FSTL5: variants seen among roughly 807,000 people sequenced by gnomAD.
FSTL5 encodes the protein follistatin like 5.
Under a neutral mutation model 89.1 loss-of-function variants are expected in FSTL5, and 62 were observed. That is an observed-to-expected ratio of 0.70 (90% confidence interval 0.57 to 0.86). FSTL5 has a LOEUF of 0.86. Ranked by LOEUF, FSTL5 falls within the 40% of genes least tolerant of loss-of-function variation. The probability of loss-of-function intolerance (pLI) is 0.00; values close to 1 mark genes in which losing one functional copy is unlikely to be tolerated. For synonymous variants in FSTL5, 383 were observed against 346.2 expected, an observed-to-expected ratio of 1.11 and a Z score of -1.18; for missense variants, 1,057 against 1,001.6, an observed-to-expected ratio of 1.06 and a Z score of -0.75.
intron 8 of FSTL5, among the ~76,000 whole-genome samples, chr4:161,577,126 G>A (rs1349258140): frequency 1.3e-5 from 2 of 152,034 alleles, no homozygotes; most frequent in Non-Finnish European, 2.9e-5. Context: ...TATTTGCCAT[G>A]TTTTTTTGGC....
chr4:161,900,534 G>T (rs981016031), intron 4 of FSTL5, among the ~76,000 whole-genome samples: 1 of 151,012 alleles, frequency 6.6e-6, no homozygotes, highest in African/African-American at 2.4e-5. Context: ...AGCTACTCAG[G>T]AGACTGAGGC....
intron 4 of FSTL5, among the ~76,000 whole-genome samples, chr4:161,855,980 C>T (rs1417260468): frequency 1.3e-5 from 2 of 152,000 alleles, no homozygotes; most frequent in African/African-American, 2.4e-5. Context: ...TAAAACTTTG[C>T]CCTTTAGTTG....
At chr4:161,592,650 C>T (rs528364945) in intron 7 of FSTL5, among the ~76,000 whole-genome samples, 1 of 152,304 alleles carries the variant, frequency 6.6e-6, no homozygotes, top group South Asian at 2.1e-4. Context: ...ATATGTGCCA[C>T]ATTTTCTTTA....
At chr4:161,931,796 T>C (rs1192556210) in intron 3 of FSTL5, among the ~76,000 whole-genome samples, 1 of 151,908 alleles carries the variant, frequency 6.6e-6, no homozygotes, top group Admixed American at 6.6e-5. Context: ...AGGTGGTAAG[T>C]TCCTCTCTCC....
chr4:161,839,994 G>A (rs1731163549), intron 4 of FSTL5, among the ~76,000 whole-genome samples: 1 of 152,166 alleles, frequency 6.6e-6, no homozygotes, highest in Non-Finnish European at 1.5e-5. Context: ...GGTTAAAAAT[G>A]TTTTAGAGTT....
intron 7 of FSTL5, among the ~76,000 whole-genome samples, chr4:161,616,800 G>C (rs1275120316): frequency 6.7e-6 from 1 of 149,854 alleles, no homozygotes; most frequent in Non-Finnish European, 1.5e-5. Context: ...AAACCACCCT[G>C]ACACATGTTT....
intron 10 of FSTL5, among the ~76,000 whole-genome samples, chr4:161,526,284 G>A (rs905883117): frequency 6.6e-6 from 1 of 151,976 alleles, no homozygotes; most frequent in African/African-American, 2.4e-5. Context: ...ACCTATTAGG[G>A]CATATTTGAG....
intron 4 of FSTL5, among the ~76,000 whole-genome samples, chr4:161,893,571 A>C (rs966460974): frequency 4.6e-5 from 7 of 152,192 alleles, no homozygotes; most frequent in Non-Finnish European, 1.0e-4. Flanking sequence ...AATAGAAAAA[A>C]GTCACTAAAT....
rs72989111 is a variant in FSTL5 at position 161,419,145 on chromosome 4, G to C, written c.1842-32696C>G. ...CACATACTCCCTTAAAAGAAGGACA[G>C]ACTGAAGAACTTCAGTTGCTGTTTT... On this transcript the variant is annotated intron_variant, in intron 15 of 15. Transcript: ENST00000306100. 2.1e-3 allele frequency among the ~76,000 whole-genome samples: 321 copies of C among 152,294 alleles called. 1 individual carries two copies. The highest frequency in any genetic ancestry group is 7.4e-3 in the African/African-American group (309 of 41,576).
intron 12 of FSTL5, among the ~76,000 whole-genome samples, chr4:161,482,856 T>C (rs753942764): frequency 6.6e-6 from 1 of 152,216 alleles, no homozygotes; most frequent in Non-Finnish European, 1.5e-5. Context: ...AAGATCTGGT[T>C]CAGTATTGCA....
intron 8 of FSTL5, among the ~76,000 whole-genome samples, chr4:161,550,199 T>C (rs567908103): frequency 6.6e-6 from 1 of 152,010 alleles, no homozygotes; most frequent in Non-Finnish European, 1.5e-5. Flanking sequence ...AGAAAAATAA[T>C]AGACCTTCAA....
chr4:161,842,680 C>T lies in FSTL5; in HGVS notation c.410-66606G>A, dbSNP rs146075779. On this transcript the variant is annotated intron_variant, in intron 4 of 15. Coordinates refer to ENST00000306100, the MANE Select transcript of FSTL5 (RefSeq NM_020116.5). ...TCAAAAAGAAACAATATGCAATCTG[C>T]TTTATTGATTTTTGGCAAATATAAG... Among the ~76,000 whole-genome samples, 244 of 152,126 alleles carry T rather than the reference C, an allele frequency of 1.6e-3. 1 individual carries two copies. Among genetic ancestry groups the T allele is most frequent in the African/African-American group, 5.5e-3 (229 of 41,532 alleles).
chr4:161,543,992 A>C (rs1359437929), intron 8 of FSTL5, among the ~76,000 whole-genome samples: 1 of 152,056 alleles, frequency 6.6e-6, no homozygotes, highest in Non-Finnish European at 1.5e-5. Context: ...AAATTCTGAT[A>C]GTATCCAGAA....
chr4:161,844,351 C>A (rs2126874569), intron 4 of FSTL5, among the ~76,000 whole-genome samples: 1 of 152,274 alleles, frequency 6.6e-6, no homozygotes, highest in Non-Finnish European at 1.5e-5. Context: ...TAAATTAGTT[C>A]AACCATTGTG....
chr4:161,920,945 T>C (rs1017868), intron 3 of FSTL5, among the ~76,000 whole-genome samples: 96,678 of 151,928 alleles, frequency 0.64, 30,843 homozygotes, highest in Middle Eastern at 0.72. Context: ...TGCCTGAGAC[T>C]AAATCCTGGC....
intron 4 of FSTL5, among the ~76,000 whole-genome samples, chr4:161,798,693 A>AT (rs1355882693): frequency 6.6e-6 from 1 of 151,558 alleles, no homozygotes; most frequent in Non-Finnish European, 1.5e-5. Context: ...ACAACCACTG[A>AT]TTTTTACTTC....
At chr4:161,900,790 A>T (rs184141151) in intron 4 of FSTL5, among the ~76,000 whole-genome samples, 2 of 152,224 alleles carry the variant, frequency 1.3e-5, no homozygotes, top group Admixed American at 1.3e-4. Flanking sequence ...GAAGGGTGGT[A>T]CTTGTTTGGT....
At chr4:161,783,199 C>T (rs919805454) in intron 4 of FSTL5, among the ~76,000 whole-genome samples, 7 of 152,260 alleles carry the variant, frequency 4.6e-5, no homozygotes, top group South Asian at 2.1e-4. Flanking sequence ...GCTATTATAA[C>T]TCATCAAATG....
At chr4:161,728,337 G>C (rs1739491821) in intron 6 of FSTL5, among the ~76,000 whole-genome samples, 1 of 152,070 alleles carries the variant, frequency 6.6e-6, no homozygotes, top group Non-Finnish European at 1.5e-5. Context: ...GATGGAAACG[G>C]GGGCATTTGG....
Sources: allele counts gnomAD v4.1 joint callset (sites outside exome capture counted in the v4.1 genomes callset), GRCh38; gene constraint gnomAD v4.1.1; transcripts MANE v1.5; gene names NCBI Gene and HGNC (gene_info 2026-07-23, HGNC 2026-07-21).